Variants in PDE1A observed in about 807,000 individuals in gnomAD.
PDE1A encodes the protein phosphodiesterase 1A.
A neutral mutation model predicts 61.7 loss-of-function variants in PDE1A; 35 were observed. That is an observed-to-expected ratio of 0.57 (90% CI 0.43 to 0.75). The LOEUF (loss-of-function observed/expected upper bound fraction) is 0.75. Ranked by LOEUF, PDE1A falls within the 30% of genes least tolerant of loss-of-function variation. PDE1A has a pLI of 0.00. For missense variants in PDE1A, 597 were observed against 630.6 expected (o/e 0.95, Z 0.57); for synonymous variants, 232 against 213.2 (o/e 1.09, Z -0.77).
chr2:182,468,308 A>T (rs1404482670), intron 2 of PDE1A, among the ~76,000 whole-genome samples: 1 of 152,000 alleles, frequency 6.6e-6, no homozygotes, highest in African/African-American at 2.4e-5. Flanking sequence ...AAGTTTATGT[A>T]CAAGTTTATA....
upstream of PDE1A, among the ~76,000 whole-genome samples, chr2:182,527,328 ATATATATATATATAT>A (rs370101061): frequency 0.1 from 921 of 9,180 alleles, 161 homozygotes; most frequent in Middle Eastern, 0.33. Context: ...AAAAAAAAAA[ATATATATATATATAT>A]ATATATATAT....
At chr2:182,692,230 T>C in the PDE1A span, among the ~76,000 whole-genome samples, 2 of 152,170 alleles carry the variant, frequency 1.3e-5, no homozygotes, top group Admixed American at 6.5e-5. Flanking sequence ...CACACGTTTA[T>C]TGCGGCACTA....
At chr2:182,336,079 C>T (rs561702252) in intron 1 of PDE1A, among the ~76,000 whole-genome samples, 60 of 152,230 alleles carry the variant, frequency 3.9e-4, no homozygotes, top group African/African-American at 1.3e-3. Flanking sequence ...TACTATCTCA[C>T]GCCAGTTAGA....
At chr2:182,463,488 A>G (rs1686445178) in intron 2 of PDE1A, 1 of 152,144 alleles carries the variant, frequency 6.6e-6, no homozygotes, top group Non-Finnish European at 1.5e-5. Flanking sequence ...GTGAAAGAAG[A>G]GAATATTTAT....
At chr2:182,516,694 GAGGAAGGGAGGAAGGAAGGA>G (rs1481892434) in intron 2 of PDE1A, among the ~76,000 whole-genome samples, 1 of 50,984 alleles carries the variant, frequency 2.0e-5, no homozygotes, top group Non-Finnish European at 3.8e-5. Context: ...GGAGGGAAGG[GAGGAAGGGAGGAAGGAAGGA>G]AGGAAGGAAG....
At chr2:182,646,415 C>T in the PDE1A span, among the ~76,000 whole-genome samples, 63 of 136,344 alleles carry the variant, frequency 4.6e-4, no homozygotes, top group African/African-American at 1.6e-3. Context: ...AAAAGCCATA[C>T]GCGGTGGCTC....
At chr2:182,155,103 TAAGA>T (rs1268232746) in intron 13 of PDE1A, among the ~76,000 whole-genome samples, 1 of 149,560 alleles carries the variant, frequency 6.7e-6, no homozygotes, top group Non-Finnish European at 1.5e-5. Flanking sequence ...TTTTTTTTTT[TAAGA>T]GAGGGTCCCA....
At chr2:182,443,506 C>A (rs1684926165) in intron 2 of PDE1A, among the ~76,000 whole-genome samples, 1 of 151,680 alleles carries the variant, frequency 6.6e-6, no homozygotes, top group African/African-American at 2.4e-5. Context: ...TGAGTGTGTT[C>A]TCATATATGA....
the PDE1A span, among the ~76,000 whole-genome samples, chr2:182,696,332 T>C: frequency 1.3e-5 from 2 of 152,160 alleles, no homozygotes; most frequent in South Asian, 4.1e-4. Flanking sequence ...GAAACTTAAA[T>C]GTACATTACT....
intron 1 of PDE1A, among the ~76,000 whole-genome samples, chr2:182,395,491 G>A (rs759831086): frequency 1.3e-5 from 2 of 152,148 alleles, no homozygotes; most frequent in East Asian, 1.9e-4. Context: ...GTGGTGTGGG[G>A]CACGTTGAGA....
the PDE1A span, among the ~76,000 whole-genome samples, chr2:182,602,990 CACACATACAT>C: frequency 1.5e-5 from 2 of 137,846 alleles, no homozygotes; most frequent in African/African-American, 6.2e-5. Context: ...ATCACACACA[CACACATACAT>C]ACATACATAC....
intron 1 of PDE1A, among the ~76,000 whole-genome samples, chr2:182,309,926 G>T (rs1197804455): frequency 6.6e-6 from 1 of 152,094 alleles, no homozygotes; most frequent in African/African-American, 2.4e-5. Context: ...AATTTAAAAA[G>T]AGAGAGGAGA....
chr2:182,210,400 G>T (rs967432112), intron 7 of PDE1A, among the ~76,000 whole-genome samples: 2 of 152,138 alleles, frequency 1.3e-5, no homozygotes, highest in African/African-American at 2.4e-5. Context: ...TTTCTCTGAT[G>T]ACATGATATG....
chr2:182,684,108 A>G, the PDE1A span, among the ~76,000 whole-genome samples: 3 of 149,720 alleles, frequency 2.0e-5, no homozygotes, highest in South Asian at 6.4e-4. Flanking sequence ...GGGCAACAAG[A>G]GCAAAACTCC....
the PDE1A span, among the ~76,000 whole-genome samples, chr2:182,622,622 C>A: frequency 6.6e-6 from 1 of 152,100 alleles, no homozygotes. Flanking sequence ...ATTAATTTTA[C>A]AAATTGGTTC....
chr2:182,405,463 C>T (rs377070563), intron 1 of PDE1A, among the ~76,000 whole-genome samples: 1 of 152,194 alleles, frequency 6.6e-6, no homozygotes, highest in Admixed American at 6.5e-5. Flanking sequence ...ACTTCACTTG[C>T]AGGAAACTAC....
chr2:182,199,640 G>A (rs1377788314), intron 10 of PDE1A, among the ~76,000 whole-genome samples: 3 of 151,990 alleles, frequency 2.0e-5, no homozygotes, highest in Non-Finnish European at 4.4e-5. Context: ...GATTGATTGA[G>A]TATATCATTA....
intron 2 of PDE1A, among the ~76,000 whole-genome samples, chr2:182,259,036 A>T (rs1692024617): frequency 6.6e-6 from 1 of 152,186 alleles, no homozygotes; most frequent in Admixed American, 6.5e-5. Context: ...CTCAACAGGT[A>T]TTTGTTAAAT....
chr2:182,273,808 C>A (rs940376579), intron 1 of PDE1A, among the ~76,000 whole-genome samples: 1 of 152,010 alleles, frequency 6.6e-6, no homozygotes, highest in Non-Finnish European at 1.5e-5. Context: ...GTGGTGAAAA[C>A]CAGTAAAATC....
Sources: gnomAD v4.1 joint callset for allele counts (sites outside exome capture counted in the v4.1 genomes callset) on GRCh38, gnomAD v4.1.1 for gene constraint, MANE v1.5 for transcripts, NCBI Gene and HGNC (gene_info 2026-07-23, HGNC 2026-07-21) for gene names.